WDR27: variants seen among roughly 807,000 people sequenced by gnomAD.
The protein encoded by WDR27 is WD repeat domain 27.
Under a neutral mutation model 114.4 loss-of-function variants are expected in WDR27, and 100 were observed. The observed-to-expected ratio is 0.87, with a 90% CI of 0.74 to 1.03. The LOEUF (loss-of-function observed/expected upper bound fraction) is 1.03, where lower values mean the gene tolerates loss of function less well. Among genes scored for constraint, WDR27 ranks in the 50% least tolerant of loss-of-function variants. The probability of loss-of-function intolerance (pLI) is 0.00; values close to 1 mark genes in which losing one functional copy is unlikely to be tolerated. For missense variants in WDR27, 1,129 were observed against 1,092.9 expected (o/e 1.03, Z -0.47); for synonymous variants, 449 against 423.1 (o/e 1.06, Z -0.75).
intron 25 of WDR27, among the ~76,000 whole-genome samples, chr6:169,572,018 GAC>G (rs1181660982): frequency 6.6e-6 from 1 of 152,094 alleles, no homozygotes; most frequent in Non-Finnish European, 1.5e-5. Context: ...TTTCAGCAGA[GAC>G]ACAGATCTCT....
Position 169,686,943 on chromosome 6 carries a change from T to G in WDR27, c.189+1874A>C, listed in dbSNP as rs9478093. The stretch of plus-strand genomic sequence containing the variant: ...CATATGTGGAAACTTAAAAAGTGGA[T>G]CTTGTGGAAGTGGGGAGTAGAATGG... On this transcript the variant is annotated intron_variant, in intron 2 of 25. Coordinates refer to ENST00000448612, the MANE Select transcript of WDR27 (RefSeq NM_182552.5). 4.0e-3 allele frequency among the ~76,000 whole-genome samples: 601 copies of G among 152,108 alleles called. 3 individuals carry two copies. Among genetic ancestry groups the G allele is most frequent in the African/African-American group, 0.013 (550 of 41,522 alleles).
At chr6:169,639,757 G>A (rs941979681) in intron 17 of WDR27, among the ~76,000 whole-genome samples, 1 of 152,110 alleles carries the variant, frequency 6.6e-6, no homozygotes, top group African/African-American at 2.4e-5. Context: ...CCCTGAGCAC[G>A]TGCTGGTTTC....
chr6:169,426,561 A>T, the WDR27 span: 1 of 152,144 alleles, frequency 6.6e-6, no homozygotes, highest in African/African-American at 2.4e-5. Flanking sequence ...TGGAAACTTC[A>T]TTTGTCCCTT....
intron 17 of WDR27, among the ~76,000 whole-genome samples, chr6:169,639,156 C>T (rs921484843): frequency 7.8e-6 from 1 of 127,776 alleles, no homozygotes; most frequent in Non-Finnish European, 1.6e-5. Context: ...CTGTGTGGGG[C>T]GTGTACTGCG....
chr6:169,645,379 T>C (rs982740588), intron 16 of WDR27, among the ~76,000 whole-genome samples: 1 of 151,852 alleles, frequency 6.6e-6, no homozygotes, highest in Non-Finnish European at 1.5e-5. Context: ...AAAAGCCTAG[T>C]TCGCAGGAGT....
At chr6:169,639,111 A>G (rs1426234533) in intron 17 of WDR27, among the ~76,000 whole-genome samples, 2 of 130,394 alleles carry the variant, frequency 1.5e-5, no homozygotes, top group Non-Finnish European at 3.1e-5. Flanking sequence ...TGGAGCGTGT[A>G]CCATGTGGTG....
chr6:169,600,578 C>T (rs895653426), intron 23 of WDR27, among the ~76,000 whole-genome samples: 7 of 152,232 alleles, frequency 4.6e-5, no homozygotes, highest in East Asian at 1.9e-4. Context: ...AAAAATTAGA[C>T]GAATGGCTAA....
chr6:169,512,208 T>C lies in WDR27; in HGVS notation c.2646-54574A>G, dbSNP rs374708007. Among the ~76,000 whole-genome samples the C allele has an allele frequency of 1.3e-4, 20 of 152,290 alleles. No homozygotes were observed. In the South Asian group the frequency reaches 2.5e-3, roughly 19 times the overall value. On this transcript the variant is annotated intron_variant, in intron 25 of 25. Coordinates refer to ENST00000448612, the MANE Select transcript of WDR27 (RefSeq NM_182552.5). ...AAATTATAATTTTATAGTGTTTTCT[T>C]ACCAAGTCTAGAAATTTTATACCTA...
intron 21 of WDR27, among the ~76,000 whole-genome samples, chr6:169,624,464 G>T (rs535457635): frequency 2.6e-5 from 4 of 152,090 alleles, no homozygotes; most frequent in Non-Finnish European, 4.4e-5. Flanking sequence ...TGAAACGCTC[G>T]TGTCCACTCG....
chr6:169,556,331 G>T (rs1030222485), intron 25 of WDR27, among the ~76,000 whole-genome samples: 8 of 152,182 alleles, frequency 5.3e-5, no homozygotes, highest in African/African-American at 1.9e-4. Context: ...GGTAACCAAG[G>T]CCCTGCCAAC....
rs868854422 is a variant in WDR27, at chr6:169,651,184, G to A, written c.1481+746C>T. On this transcript the variant is annotated intron_variant, in intron 14 of 25. Transcript: ENST00000448612. The stretch of plus-strand genomic sequence containing the variant: ...TGCCTGGAGCACAGCAGTGCGGGGC[G>A]GGGGGGGGGAGTGGGGGAGTGGGGG... Among the ~76,000 whole-genome samples, 69 of 92,540 alleles carry A rather than the reference G, an allele frequency of 7.5e-4. 7 individuals are homozygous for A. Among genetic ancestry groups the A allele is most frequent in the South Asian group, 2.2e-3 (6 of 2,706 alleles). 60.7% of individuals were successfully genotyped at this position (92,540 alleles called of 152,430 possible). A position where few individuals can be genotyped will look rare whatever the true frequency, so the allele number is the denominator to read the frequency against.
At chr6:169,635,411 C>T (rs1312194158) in intron 19 of WDR27, among the ~76,000 whole-genome samples, 1 of 152,172 alleles carries the variant, frequency 6.6e-6, no homozygotes, top group Non-Finnish European at 1.5e-5. Flanking sequence ...CTGAAAGTCC[C>T]AGGCACCTCT....
intron 24 of WDR27, among the ~76,000 whole-genome samples, chr6:169,575,693 T>C (rs907638633): frequency 2.6e-5 from 4 of 152,224 alleles, no homozygotes; most frequent in African/African-American, 9.6e-5. Context: ...GGTCTTTTCC[T>C]AAAATAAAAA....
intron 17 of WDR27, among the ~76,000 whole-genome samples, chr6:169,638,898 C>T (rs540069467): frequency 2.0e-5 from 3 of 152,148 alleles, no homozygotes; most frequent in African/African-American, 7.2e-5. Context: ...TAAAGCCTCA[C>T]GTTCCATTTT....
intron 25 of WDR27, among the ~76,000 whole-genome samples, chr6:169,538,480 A>C (rs1348764279): frequency 6.6e-6 from 1 of 152,194 alleles, no homozygotes; most frequent in African/African-American, 2.4e-5. Flanking sequence ...TTAAGAACGG[A>C]TATCCCACCT....
intron 20 of WDR27, among the ~76,000 whole-genome samples, chr6:169,633,528 G>A (rs1047557984): frequency 7.9e-5 from 12 of 152,288 alleles, no homozygotes; most frequent in East Asian, 1.9e-4. Flanking sequence ...GTGCCATGTC[G>A]GCAGGTGACC....
chr6:169,448,386 G>C, the WDR27 span, among the ~76,000 whole-genome samples: 1 of 126,932 alleles, frequency 7.9e-6, no homozygotes, highest in African/African-American at 3.1e-5. Flanking sequence ...CTCTGTCTCT[G>C]TCTCTATGTG....
chr6:169,668,294 G>A (rs1828454959), intron 4 of WDR27, 109 bp from the exon 5 acceptor site: 2 of 1,096,150 alleles, frequency 1.8e-6, no homozygotes, highest in Non-Finnish European at 2.7e-6. Context: ...TCAGGCGACA[G>A]GCACAGTCTC....
At chr6:169,462,557 T>C (rs979545725) in intron 25 of WDR27, among the ~76,000 whole-genome samples, 51 of 151,804 alleles carry the variant, frequency 3.4e-4, no homozygotes, top group Non-Finnish European at 7.2e-4. Flanking sequence ...TTCTACCAAA[T>C]ATCTGAAGAA....
Sources: allele counts gnomAD v4.1 joint callset (sites outside exome capture counted in the v4.1 genomes callset), GRCh38; gene constraint gnomAD v4.1.1; transcripts MANE v1.5; gene names NCBI Gene and HGNC (gene_info 2026-07-23, HGNC 2026-07-21).